Variants in VRK2 observed in about 807,000 individuals in gnomAD.
The protein encoded by VRK2 is VRK serine/threonine kinase 2, also known as serine/threonine-protein kinase VRK2.
A neutral mutation model predicts 57.6 loss-of-function variants in VRK2; 60 were observed. The ratio of observed to expected loss-of-function variants is 1.04; its 90% CI spans 0.85 to 1.29. The LOEUF (loss-of-function observed/expected upper bound fraction) is 1.29, where lower values mean the gene tolerates loss of function less well. VRK2 is among the 50% of genes most tolerant of loss of function. VRK2 has a pLI of 0.00. For synonymous variants in VRK2, 231 were observed against 199.2 expected (o/e 1.16, Z -1.35); for missense variants, 705 against 588.1 (o/e 1.20, Z -2.06).
At chr2:58,044,246 C>T (rs1390956450), upstream of VRK2, among the ~76,000 whole-genome samples, 1 of 152,166 alleles carries the variant, frequency 6.6e-6, no homozygotes, top group Non-Finnish European at 1.5e-5. Context: ...ACGATGACTG[C>T]AGCCATTTTA....
At chr2:57,993,315 ACT>A (rs1474092996) in intron 1 of VRK2, among the ~76,000 whole-genome samples, 2 of 152,222 alleles carry the variant, frequency 1.3e-5, no homozygotes, top group East Asian at 3.9e-4. Context: ...TAAAAGGAAG[ACT>A]CTAACTCCTC....
chr2:58,089,106 A>G (rs1672024732), intron 6 of VRK2, among the ~76,000 whole-genome samples: 1 of 152,232 alleles, frequency 6.6e-6, no homozygotes, highest in African/African-American at 2.4e-5. Flanking sequence ...TTTATTGAGT[A>G]CTAAGTGTAT....
intron 7 of VRK2, among the ~76,000 whole-genome samples, chr2:58,101,677 A>G (rs1673989516): frequency 6.6e-6 from 1 of 151,486 alleles, no homozygotes. Flanking sequence ...GGTCCCTTTT[A>G]TCTCTCATAG....
At chr2:57,928,994 TG>T (rs1384917811) in intron 1 of VRK2, among the ~76,000 whole-genome samples, 1 of 152,232 alleles carries the variant, frequency 6.6e-6, no homozygotes, top group Admixed American at 6.5e-5. Context: ...GGGACTGTGC[TG>T]GGTCGGACCT....
At chr2:58,073,052 T>A (rs926169124) in intron 2 of VRK2, among the ~76,000 whole-genome samples, 3 of 152,274 alleles carry the variant, frequency 2.0e-5, no homozygotes, top group East Asian at 1.9e-4. Context: ...AAATACTTTT[T>A]AAAATGTACT....
chr2:57,977,976 G>A (rs749778510), intron 1 of VRK2, among the ~76,000 whole-genome samples: 2 of 151,178 alleles, frequency 1.3e-5, no homozygotes, highest in Non-Finnish European at 2.9e-5. Flanking sequence ...TGAGATGATC[G>A]TGTGACTTTT....
rs150977065 is a variant in VRK2 at position 57,987,792 on chromosome 2, A to G, written c.-438-37873A>G. 6.6e-3 allele frequency among the ~76,000 whole-genome samples: 1,009 copies of G among 152,336 alleles called. 6 individuals carry two copies. The highest frequency in any genetic ancestry group is 6.3e-3 in the Non-Finnish European group (431 of 68,032). On this transcript the variant is annotated intron_variant, in intron 1 of 15. Transcript: ENST00000417641. ...GGGCAAAAAAGATTGTGGAACCTCC[A>G]TTCAATAAAATACTGCTCAATGAAA...
chr2:58,081,523 T>C (rs1268450176), intron 2 of VRK2, among the ~76,000 whole-genome samples: 2 of 151,998 alleles, frequency 1.3e-5, no homozygotes, highest in East Asian at 1.9e-4. Flanking sequence ...TTCTTTGTTA[T>C]CTTCTTTGCT....
At chr2:58,122,131 A>G (rs1677606448) in intron 7 of VRK2, among the ~76,000 whole-genome samples, 1 of 152,214 alleles carries the variant, frequency 6.6e-6, no homozygotes, top group African/African-American at 2.4e-5. Flanking sequence ...TTGATGTTCC[A>G]TTCATAAATA....
intron 1 of VRK2, among the ~76,000 whole-genome samples, chr2:57,958,480 CAT>C (rs984394897): frequency 1.8e-4 from 27 of 150,996 alleles, no homozygotes; most frequent in Admixed American, 4.6e-4. Flanking sequence ...TACACACACA[CAT>C]ATATCATATA....
intron 8 of VRK2, 21 bp downstream of exon 8, chr2:58,123,254 T>G: frequency 1.3e-6 from 2 of 1,572,002 alleles, no homozygotes; most frequent in Non-Finnish European, 1.7e-6. Flanking sequence ...TTTTTCTTTT[T>G]CTTATTTTTA....
Position 57,918,623 on chromosome 2 carries a change from G to T in VRK2, c.-439+10784G>T, listed in dbSNP as rs200330527. Among the ~76,000 whole-genome samples, 19 of 152,206 alleles carry T rather than the reference G, an allele frequency of 1.2e-4. No homozygotes were observed. In the East Asian group the frequency reaches 3.7e-3, roughly 29 times the overall value. On this transcript the variant is annotated intron_variant, in intron 1 of 15. Transcript: ENST00000417641. ...GAGTGGGACAAGTCTGGGACTGATTGTGAAAGCACCCATCTAAGCAGTTCC... is the reference window on the plus strand; with the variant it reads ...GAGTGGGACAAGTCTGGGACTGATTTTGAAAGCACCCATCTAAGCAGTTCC...
At chr2:58,006,982 C>G (rs1466743975) in intron 1 of VRK2, among the ~76,000 whole-genome samples, 1 of 151,932 alleles carries the variant, frequency 6.6e-6, no homozygotes, top group Non-Finnish European at 1.5e-5. Flanking sequence ...GAGGAAGGAC[C>G]CCAGTACATT....
chr2:57,946,802 T>A (rs1027450688), intron 1 of VRK2, among the ~76,000 whole-genome samples: 4 of 152,134 alleles, frequency 2.6e-5, no homozygotes, highest in African/African-American at 9.7e-5. Context: ...CTTACTACAG[T>A]CATGATATCA....
intron 1 of VRK2, among the ~76,000 whole-genome samples, chr2:57,998,385 T>C (rs1672990101): frequency 6.6e-6 from 1 of 152,200 alleles, no homozygotes; most frequent in Admixed American, 6.5e-5. Flanking sequence ...AGTAGCAGTT[T>C]TTAAAAATCT....
intron 12 of VRK2, among the ~76,000 whole-genome samples, chr2:58,158,170 T>TCTTA (rs10641725): frequency 0.31 from 47,243 of 152,026 alleles, 7,571 homozygotes; most frequent in South Asian, 0.41. Context: ...TAAATGCTGC[T>TCTTA]CTATGATTTG....
At chr2:57,977,851 G>A (rs1572928756) in intron 1 of VRK2, among the ~76,000 whole-genome samples, 1 of 151,126 alleles carries the variant, frequency 6.6e-6, no homozygotes, top group Non-Finnish European at 1.5e-5. Flanking sequence ...GCTGGCTGTA[G>A]GTTTGTCAGA....
At position 57,970,242 on chromosome 2, in the gene VRK2, C is replaced by G. The variant is rs188302554; in HGVS notation, c.-438-55423C>G. Among the ~76,000 whole-genome samples, 25 of 149,600 alleles carry G rather than the reference C, an allele frequency of 1.7e-4. No homozygotes were observed. In the East Asian group the frequency reaches 4.9e-3, roughly 29 times the overall value. ...TATACACATATATATTCACATTCCA[C>G]TAAAAAAAGTTCATTATATGAGACT... On this transcript the variant is annotated intron_variant, in intron 1 of 15. Coordinates refer to the VRK2 transcript ENST00000417641.
chr2:58,145,155 A>G (rs1005405411), intron 11 of VRK2, among the ~76,000 whole-genome samples: 1 of 152,002 alleles, frequency 6.6e-6, no homozygotes, highest in African/African-American at 2.4e-5. Flanking sequence ...GTAGCTTTCA[A>G]TCTTCCAACA....
Sources: allele counts gnomAD v4.1 joint callset (sites outside exome capture counted in the v4.1 genomes callset), GRCh38; gene constraint gnomAD v4.1.1; transcripts MANE v1.5; gene names NCBI Gene and HGNC (gene_info 2026-07-23, HGNC 2026-07-21).